C1QTNF7: variants seen among roughly 807,000 people sequenced by gnomAD.
The protein encoded by C1QTNF7 is complement C1q tumor necrosis factor-related protein 7.
In C1QTNF7, 15 loss-of-function variants were observed where a neutral mutation model predicts 19.6. That is an observed-to-expected ratio of 0.76 (90% confidence interval 0.51 to 1.18). C1QTNF7 has a LOEUF of 1.18. Ranked by LOEUF, C1QTNF7 falls within the 50% of genes most tolerant of loss-of-function variation. The probability of loss-of-function intolerance (pLI) is 0.00; values close to 1 mark genes in which losing one functional copy is unlikely to be tolerated. For synonymous variants in C1QTNF7, 142 were observed against 137.5 expected, an observed-to-expected ratio of 1.03 and a Z score of -0.23; for missense variants, 324 against 359.7, an observed-to-expected ratio of 0.90 and a Z score of 0.80.
chr4:15,359,771 C>T (rs1717272737), intron 1 of C1QTNF7, among the ~76,000 whole-genome samples: 1 of 152,174 alleles, frequency 6.6e-6, no homozygotes, highest in Admixed American at 6.5e-5. Flanking sequence ...AGTCTACCCC[C>T]AGATTTTCAG....
intron 1 of C1QTNF7, among the ~76,000 whole-genome samples, chr4:15,350,130 G>A (rs1267149659): frequency 8.6e-6 from 1 of 116,518 alleles, no homozygotes; most frequent in East Asian, 3.0e-4. Context: ...AAGCAGGAAA[G>A]AAGGGAGGGA....
At chr4:15,380,533 C>A (rs1375013916) in intron 1 of C1QTNF7, among the ~76,000 whole-genome samples, 2 of 152,262 alleles carry the variant, frequency 1.3e-5, no homozygotes, top group Non-Finnish European at 2.9e-5. Flanking sequence ...TCCTCCAAGA[C>A]TTTCCATGTG....
chr4:15,379,577 C>T (rs1718066697), intron 1 of C1QTNF7, among the ~76,000 whole-genome samples: 1 of 152,170 alleles, frequency 6.6e-6, no homozygotes, highest in Non-Finnish European at 1.5e-5. Flanking sequence ...CTGCTGGACT[C>T]CACAACCTGC....
intron 1 of C1QTNF7, among the ~76,000 whole-genome samples, chr4:15,420,390 A>T (rs1392824993): frequency 6.6e-6 from 1 of 152,238 alleles, no homozygotes; most frequent in African/African-American, 2.4e-5. Context: ...GAAAACACAG[A>T]TCTAAAGTGC....
intron 1 of C1QTNF7, among the ~76,000 whole-genome samples, chr4:15,406,123 T>A (rs1419963942): frequency 6.6e-6 from 1 of 152,230 alleles, no homozygotes; most frequent in Non-Finnish European, 1.5e-5. Context: ...GCTGTTGGAA[T>A]AATCACTGCA....
At chr4:15,359,436 T>C (rs559257134) in intron 1 of C1QTNF7, among the ~76,000 whole-genome samples, 1 of 151,938 alleles carries the variant, frequency 6.6e-6, no homozygotes, top group African/African-American at 2.4e-5. Context: ...AAAAGAGAAG[T>C]TGATTCACAC....
At position 15,400,525 on chromosome 4, in the gene C1QTNF7, G is replaced by C. The variant is rs367645060; in HGVS notation, c.14-35211G>C. Reference sequence around the variant, plus strand: ...GTCTGCAACAAGAAACCCTAACTTTGGAAATTGTACAATATTTTCCCTCCA... The same window carrying C: ...GTCTGCAACAAGAAACCCTAACTTTCGAAATTGTACAATATTTTCCCTCCA... On this transcript the variant is annotated intron_variant, in intron 1 of 2. Transcript: ENST00000295297. Among the ~76,000 whole-genome samples the C allele has an allele frequency of 3.9e-5, 6 of 152,182 alleles. No individual in the cohort carries two copies. In the South Asian group the frequency reaches 8.3e-4, roughly 21 times the overall value.
intron 1 of C1QTNF7, among the ~76,000 whole-genome samples, chr4:15,340,376 G>A (rs1445511510): frequency 5.3e-5 from 8 of 152,084 alleles, no homozygotes; most frequent in African/African-American, 7.2e-5. Context: ...GCAGGAGAGC[G>A]TTCTCCTACT....
intron 1 of C1QTNF7, among the ~76,000 whole-genome samples, chr4:15,399,054 C>T (rs536901883): frequency 1.3e-5 from 2 of 152,230 alleles, no homozygotes; most frequent in East Asian, 1.9e-4. Context: ...GTTCTTCCCC[C>T]ACCAGTCTAG....
chr4:15,392,086 A>G (rs1334860625), intron 1 of C1QTNF7, among the ~76,000 whole-genome samples: 4 of 152,186 alleles, frequency 2.6e-5, no homozygotes. Flanking sequence ...ATTAATTAGA[A>G]TGAATTTGTT....
At position 15,421,129 on chromosome 4, in the gene C1QTNF7, T is replaced by C. The variant is rs146125171; in HGVS notation, c.14-14607T>C. On this transcript the variant is annotated intron_variant, in intron 1 of 2. Coordinates refer to the C1QTNF7 transcript ENST00000295297. ...CAAAGTAGAGAACATGGGCCCCCCA[T>C]TATCCGGATAAACGTTTAGAAACAC... Among the ~76,000 whole-genome samples the C allele has an allele frequency of 2.7e-4, 41 of 152,014 alleles. 1 individual carries two copies. The East Asian group carries it at 7.0e-3, about 26-fold the overall frequency.
rs113640265 is a variant in C1QTNF7 at position 15,412,402 on chromosome 4, T to C, written c.14-23334T>C. Among the ~76,000 whole-genome samples the C allele has an allele frequency of 4.0e-3, 602 of 152,022 alleles. 5 individuals are homozygous for C. Among genetic ancestry groups the C allele is most frequent in the African/African-American group, 0.013 (536 of 41,434 alleles). On this transcript the variant is annotated intron_variant, in intron 1 of 2. Coordinates refer to the C1QTNF7 transcript ENST00000295297. ...CCAAAACGTTCGGGGAGAACTGTTC[T>C]AGGCTTCCCACATTTTCTGGCACAG...
intron 1 of C1QTNF7, among the ~76,000 whole-genome samples, chr4:15,379,775 T>G (rs1013270038): frequency 1.3e-5 from 2 of 152,242 alleles, no homozygotes; most frequent in African/African-American, 4.8e-5. Flanking sequence ...TCAGTTATCA[T>G]ATATGTCTGG....
At chr4:15,341,389 T>G (rs920960416) in intron 1 of C1QTNF7, among the ~76,000 whole-genome samples, 2 of 152,168 alleles carry the variant, frequency 1.3e-5, no homozygotes, top group Non-Finnish European at 2.9e-5. Flanking sequence ...CTGGAATATT[T>G]TTTCTGTCTG....
intron 1 of C1QTNF7, among the ~76,000 whole-genome samples, chr4:15,432,504 T>C (rs1712358821): frequency 6.6e-6 from 1 of 152,224 alleles, no homozygotes; most frequent in Admixed American, 6.5e-5. Flanking sequence ...CAAGTGATTC[T>C]CCTGCCTCAG....
At chr4:15,386,776 C>G (rs1718351232) in intron 1 of C1QTNF7, among the ~76,000 whole-genome samples, 1 of 152,150 alleles carries the variant, frequency 6.6e-6, no homozygotes, top group Admixed American at 6.5e-5. Context: ...ATGGCAGGAG[C>G]ATGCACAGCA....
intron 1 of C1QTNF7, among the ~76,000 whole-genome samples, chr4:15,344,165 G>A (rs1233479509): frequency 2.6e-5 from 4 of 152,232 alleles, no homozygotes; most frequent in Non-Finnish European, 4.4e-5. Flanking sequence ...CATGCATATG[G>A]TGCAGAAGGA....
At chr4:15,439,460 C>T (rs906484811) in intron 2 of C1QTNF7, among the ~76,000 whole-genome samples, 1 of 152,192 alleles carries the variant, frequency 6.6e-6, no homozygotes, top group East Asian at 1.9e-4. Context: ...AGATCAAGCC[C>T]TTTCTTAAAA....
intron 1 of C1QTNF7, among the ~76,000 whole-genome samples, chr4:15,367,089 C>T (rs1167492287): frequency 6.6e-6 from 1 of 152,100 alleles, no homozygotes; most frequent in African/African-American, 2.4e-5. Context: ...ATTAATGAAG[C>T]AATATAAATC....
Sources: gnomAD v4.1 joint callset for allele counts (sites outside exome capture counted in the v4.1 genomes callset) on GRCh38, gnomAD v4.1.1 for gene constraint, MANE v1.5 for transcripts, NCBI Gene and HGNC (gene_info 2026-07-23, HGNC 2026-07-21) for gene names.